Variants in AP3B1 observed in about 807,000 individuals in gnomAD.
AP3B1 encodes the protein adaptor related protein complex 3 subunit beta 1, also known as AP-3 complex subunit beta-1.
Under a neutral mutation model 132.5 loss-of-function variants are expected in AP3B1, and 61 were observed. The ratio of observed to expected loss-of-function variants is 0.46; its 90% CI spans 0.37 to 0.57. The LOEUF is 0.57. Among genes scored for constraint, AP3B1 ranks in the 20% least tolerant of loss-of-function variants. AP3B1 has a pLI of 0.00. For synonymous variants in AP3B1, 388 were observed against 438.3 expected (o/e 0.89, Z 1.43); for missense variants, 1,120 against 1,289.4 (o/e 0.87, Z 2.01).
intron 16 of AP3B1, 70 bp downstream of exon 16, chr5:78,129,051 A>G (rs377537070): frequency 3.8e-6 from 5 of 1,331,082 alleles, no homozygotes; most frequent in Middle Eastern, 2.6e-4. Flanking sequence ...TTTTAAGCAC[A>G]TTAGAAATGG....
chr5:78,007,661 T>C (rs1466220403), intron 26 of AP3B1, among the ~76,000 whole-genome samples: 1 of 152,186 alleles, frequency 6.6e-6, no homozygotes, highest in African/African-American at 2.4e-5. Flanking sequence ...AGTATAGTGA[T>C]TTGGAGCGCT....
intron 2 of AP3B1, among the ~76,000 whole-genome samples, chr5:78,256,864 C>T (rs1416850391): frequency 1.3e-5 from 2 of 152,110 alleles, no homozygotes; most frequent in Admixed American, 6.6e-5. Flanking sequence ...GATGCTTCAA[C>T]ATACACAAAT....
chr5:78,132,618 C>T (rs1262940940), intron 15 of AP3B1, among the ~76,000 whole-genome samples: 1 of 152,132 alleles, frequency 6.6e-6, no homozygotes, highest in Non-Finnish European at 1.5e-5. Flanking sequence ...ATGTTTCACA[C>T]AGAATTATAT....
chr5:78,164,178 T>G (rs1309515276), intron 12 of AP3B1, among the ~76,000 whole-genome samples: 1 of 152,072 alleles, frequency 6.6e-6, no homozygotes, highest in Non-Finnish European at 1.5e-5. Flanking sequence ...CTTATGAGTC[T>G]TTAGAAACAT....
intron 26 of AP3B1, among the ~76,000 whole-genome samples, chr5:78,009,232 A>T (rs990347145): frequency 1.3e-5 from 2 of 150,618 alleles, no homozygotes; most frequent in Non-Finnish European, 3.0e-5. Context: ...AAGTGGGAGG[A>T]CTGCTTGAGC....
rs1241537530 is a variant in AP3B1, at chr5:78,074,135, T to TA, written c.2577+15257dup. Among the ~76,000 whole-genome samples the TA allele has an allele frequency of 3.3e-5, 5 of 152,206 alleles. No homozygotes were observed. The East Asian group carries it at 9.6e-4, about 29-fold the overall frequency. ...TAAGCCAATTAAAAATATTTTGCAA[T>TA]AAAAAAATTCCAACTAAAAATTAAT... is the stretch of plus-strand genomic sequence containing the variant. On this transcript the variant is annotated intron_variant, in intron 22 of 26. Transcript: ENST00000255194.
Position 78,141,216 on chromosome 5 carries a change from G to A in AP3B1, c.1577C>T (p.Thr526Ile). The A allele has an allele frequency of 6.8e-6, 11 of 1,613,818 alleles. No individual in the cohort carries two copies. The highest frequency in any genetic ancestry group is 9.3e-6 in the Non-Finnish European group (11 of 1,179,788). Residue 526 changes from threonine (T) to isoleucine (I), a missense_variant, in exon 15 of 27, where the codon ACT (threonine) becomes ATT (isoleucine). Physicochemically the swap from Thr to Ile is moderately conservative, Grantham distance 89. Around this residue, in one of 3 missense-constraint regions of AP3B1, gnomAD observed 906 missense variants for 997.1 expected, o/e 0.91. Coordinates refer to ENST00000255194, the MANE Select transcript of AP3B1 (RefSeq NM_003664.5). ...CAGTTTTACCAGATCATCTTCACTA[G>A]TGAAGCTTTTAGCCATCTTCCTCAA... ...DVLRKMAKSF[T>I]SEDDLVKLQI...
chr5:78,267,754 C>A (rs922624200), intron 1 of AP3B1, among the ~76,000 whole-genome samples, 159 bp from the exon 2 acceptor site: 18 of 152,138 alleles, frequency 1.2e-4, no homozygotes. Flanking sequence ...AAGGCCTCAG[C>A]AGAAACCAAA....
At chr5:78,234,558 T>C (rs890100032) in intron 3 of AP3B1, among the ~76,000 whole-genome samples, 1 of 152,180 alleles carries the variant, frequency 6.6e-6, no homozygotes, top group Admixed American at 6.5e-5. Context: ...ATATCAAATA[T>C]ATATCAATAT....
intron 2 of AP3B1, among the ~76,000 whole-genome samples, chr5:78,248,091 G>A (rs1371297108): frequency 1.3e-5 from 2 of 151,990 alleles, no homozygotes; most frequent in South Asian, 2.1e-4. Flanking sequence ...TTAACTTATC[G>A]GATTATCAGA....
chr5:78,217,224 T>C (rs1484955779), intron 6 of AP3B1, among the ~76,000 whole-genome samples: 1 of 152,210 alleles, frequency 6.6e-6, no homozygotes, highest in Non-Finnish European at 1.5e-5. Flanking sequence ...ATGATATTCA[T>C]ATTTTGAGTG....
intron 11 of AP3B1, among the ~76,000 whole-genome samples, chr5:78,168,677 C>T (rs1439451769): frequency 6.6e-6 from 1 of 152,186 alleles, no homozygotes; most frequent in Non-Finnish European, 1.5e-5. Flanking sequence ...TTCCTATAAA[C>T]AAGGACATGT....
At chr5:78,270,984 C>A (rs1289012091) in intron 1 of AP3B1, among the ~76,000 whole-genome samples, 4 of 152,114 alleles carry the variant, frequency 2.6e-5, no homozygotes, top group Non-Finnish European at 5.9e-5. Flanking sequence ...GTAAAAGAAA[C>A]AACAAACATA....
intron 19 of AP3B1, among the ~76,000 whole-genome samples, chr5:78,113,067 C>T (rs1409266460): frequency 1.3e-5 from 2 of 152,230 alleles, no homozygotes; most frequent in Admixed American, 6.5e-5. Context: ...GAGCGTACTG[C>T]GCCCCAATCA....
intron 18 of AP3B1, among the ~76,000 whole-genome samples, chr5:78,115,527 T>C (rs1751786262): frequency 6.6e-6 from 1 of 152,242 alleles, no homozygotes. Context: ...CCTTCATTTA[T>C]CTGATATAGA....
At chr5:78,222,814 G>T (rs1746237940) in intron 6 of AP3B1, among the ~76,000 whole-genome samples, 1 of 151,230 alleles carries the variant, frequency 6.6e-6, no homozygotes, top group African/African-American at 2.4e-5. Context: ...TTAAAAAAAA[G>T]ATTAAAGACA....
At chr5:78,115,765 C>T (rs1415892886) in intron 18 of AP3B1, among the ~76,000 whole-genome samples, 2 of 152,074 alleles carry the variant, frequency 1.3e-5, no homozygotes, top group Non-Finnish European at 1.5e-5. Context: ...ATAAACTTTA[C>T]GTTTTTGTAA....
At chr5:78,254,341 C>T (rs1747767804) in intron 2 of AP3B1, among the ~76,000 whole-genome samples, 1 of 151,930 alleles carries the variant, frequency 6.6e-6, no homozygotes. Flanking sequence ...AGAAAGATAT[C>T]AACATTCAAG....
chr5:78,044,842 T>C (rs1010563357), intron 22 of AP3B1, among the ~76,000 whole-genome samples: 2 of 152,196 alleles, frequency 1.3e-5, no homozygotes, highest in African/African-American at 2.4e-5. Flanking sequence ...TCAAAAAATA[T>C]GTTAAGGGAT....
Sources: allele counts gnomAD v4.1 joint callset (sites outside exome capture counted in the v4.1 genomes callset), GRCh38; gene constraint gnomAD v4.1.1; regional missense constraint gnomAD v4.1.1; transcripts MANE v1.5; gene names NCBI Gene and HGNC (gene_info 2026-07-23, HGNC 2026-07-21).